The following RUBCNL variants were observed in gnomAD, a reference collection of about 807,000 sequenced individuals.
RUBCNL encodes protein associated with UVRAG as autophagy enhancer.
RUBCNL carries 62 observed loss-of-function variants against 69.5 expected under a neutral mutation model. The ratio of observed to expected loss-of-function variants is 0.89; its 90% confidence interval spans 0.73 to 1.10. The LOEUF (loss-of-function observed/expected upper bound fraction) is 1.10. Among genes scored for constraint, RUBCNL ranks in the 50% least tolerant of loss-of-function variants. RUBCNL has a pLI of 0.00. For synonymous variants in RUBCNL, 291 were observed against 303.6 expected (o/e 0.96, Z 0.43); for missense variants, 768 against 798.1 (o/e 0.96, Z 0.45).
chr13:46,351,553 T>A (rs1451593470), intron 10 of RUBCNL, among the ~76,000 whole-genome samples: 1 of 152,194 alleles, frequency 6.6e-6, no homozygotes, highest in African/African-American at 2.4e-5. Context: ...AGCACATTTA[T>A]AATGGGGGTG....
chr13:46,351,828 C>CTTTTTTTT (rs57329384), intron 10 of RUBCNL, among the ~76,000 whole-genome samples: 1 of 129,822 alleles, frequency 7.7e-6, no homozygotes, highest in Non-Finnish European at 1.6e-5. Flanking sequence ...GCTCTTTACA[C>CTTTTTTTT]TTTTTTTTTT....
Position 46,372,393 on chromosome 13 carries a change from C to A in RUBCNL, c.83G>T (p.Gly28Val). The A allele has an allele frequency of 6.2e-7, 1 of 1,613,806 alleles. No homozygotes were observed. Among genetic ancestry groups the A allele is most frequent in the African/African-American group, 1.3e-5 (1 of 75,042 alleles). The change falls in exon 3 of 15, where the codon GGT becomes GTT. Residue 28 changes from glycine to valine, a missense_variant. Coordinates refer to ENST00000429979, the MANE Select transcript of RUBCNL (RefSeq NM_025113.5). Reference sequence around the variant, plus strand: ...GTCAGTGTTCAGGAGTCTGGGCGAACCATCAATAATGCCAGAGTGATCGCT... The same window carrying A: ...GTCAGTGTTCAGGAGTCTGGGCGAAACATCAATAATGCCAGAGTGATCGCT... ...GISDHSGIIDGSPRLLNTDHP... is the reference protein window; with the variant it reads ...GISDHSGIIDVSPRLLNTDHP...
rs2048103042 is a variant in RUBCNL at position 46,336,019 on chromosome 13, G to A, written c.*7366C>T. On this transcript the variant is annotated 3_prime_UTR_variant, in exon 15 of 15. Transcript: ENST00000429979. ...CTTTATTTAGAGATGGACAGAGAAA[G>A]AAGAGGAAAACCTACAAAGGAGACC... Among the ~76,000 whole-genome samples the A allele has an allele frequency of 6.6e-6, 1 of 152,330 alleles. No individual in the cohort carries two copies. Among genetic ancestry groups the A allele is most frequent in the East Asian group, 1.9e-4 (1 of 5,186 alleles).
chr13:46,350,076 T>G, intron 11 of RUBCNL, 37 bp downstream of exon 11: 1 of 1,464,920 alleles, frequency 6.8e-7, no homozygotes, highest in Non-Finnish European at 9.3e-7. Context: ...CACAGGACAC[T>G]TCCAATGAGA....
In RUBCNL at chr13:46,343,271, T is replaced by G; in HGVS notation, c.*114A>C. 6.7e-7 allele frequency: 1 copy of G among 1,489,702 alleles called. No homozygotes were observed. Among genetic ancestry groups the G allele is most frequent in the Non-Finnish European group, 9.1e-7 (1 of 1,094,172 alleles). The allele number at this position is 1,489,702 out of a possible 1,614,324, so 92.3% of individuals were successfully genotyped here. A position where few individuals can be genotyped will look rare whatever the true frequency, so the allele number is the denominator to read the frequency against. On this transcript the variant is annotated 3_prime_UTR_variant, in exon 15 of 15. Transcript: ENST00000429979. ...TATGCAATAAAGAGAATATAGACCA[T>G]CTTTTTCCTTAATATACAATACCCA...
At chr13:46,369,982 T>G (rs2048842974) in intron 3 of RUBCNL, among the ~76,000 whole-genome samples, 1 of 152,240 alleles carries the variant, frequency 6.6e-6, no homozygotes, top group Non-Finnish European at 1.5e-5. Context: ...AGCCATACAG[T>G]ATCTGTTTCA....
chr13:46,358,007 G>A (rs1434066024), intron 9 of RUBCNL, among the ~76,000 whole-genome samples: 2 of 152,180 alleles, frequency 1.3e-5, no homozygotes, highest in Admixed American at 1.3e-4. Context: ...TGTAAAATTT[G>A]TTTACAGTTC....
In RUBCNL at chr13:46,340,204, A is replaced by C. The variant is rs2048131903; in HGVS notation, c.*3181T>G. Among the ~76,000 whole-genome samples, 1 of 151,990 alleles carries C rather than the reference A, an allele frequency of 6.6e-6. No individual in the cohort carries two copies. On this transcript the variant is annotated 3_prime_UTR_variant, in exon 15 of 15. Transcript: ENST00000429979. ...TCCTAACTTAACCACCTCTGCAAAG[A>C]CCCTACTTCCCAAAAGGCCACAGCA...
Position 46,349,327 on chromosome 13 carries a change from G to A in RUBCNL, c.1590C>T (p.Phe530=), listed in dbSNP as rs1044035016. Residue 530 remains phenylalanine (F), a synonymous_variant, in exon 12 of 15, where the codon TTC becomes TTT. Transcript: ENST00000429979. ...DRVKEIQEQL[F]HIKKLLKTCR... ...AGGTCTTCAACAGCTTCTTGATATG[G>A]AAGAGCTGCTCCTGAATTTCCTAAT... The A allele has an allele frequency of 5.0e-6, 8 of 1,613,730 alleles. No individual in the cohort carries two copies. The highest frequency in any genetic ancestry group is 6.8e-6 in the Non-Finnish European group (8 of 1,179,716).
intron 2 of RUBCNL, among the ~76,000 whole-genome samples, chr13:46,372,957 T>C (rs2048910943): frequency 6.6e-6 from 1 of 151,928 alleles, no homozygotes; most frequent in South Asian, 2.1e-4. Context: ...TAAAGACACA[T>C]TTCCACATTT....
At chr13:46,359,226 C>A (rs140711123) in intron 9 of RUBCNL, among the ~76,000 whole-genome samples, 1 of 151,660 alleles carries the variant, frequency 6.6e-6, no homozygotes, top group Non-Finnish European at 1.5e-5. Flanking sequence ...TCAGTTGCTA[C>A]GCAATATTGA....
intron 4 of RUBCNL, 173 bp downstream of exon 4, chr13:46,368,560 A>C: frequency 3.2e-6 from 3 of 927,578 alleles, no homozygotes; most frequent in Non-Finnish European, 3.9e-6. Flanking sequence ...GAGCACAGGC[A>C]CGGCCTCGGA....
chr13:46,359,633 T>C lies in RUBCNL; in HGVS notation c.1120-2A>G. 1 of 1,567,890 alleles carries C rather than the reference T, an allele frequency of 6.4e-7. No homozygotes were observed. The highest frequency in any genetic ancestry group is 8.7e-7 in the Non-Finnish European group (1 of 1,155,096). On this transcript the variant is annotated splice_acceptor_variant, in intron 8 of 14. Coordinates refer to ENST00000429979, the MANE Select transcript of RUBCNL (RefSeq NM_025113.5). LOFTEE classifies it high-confidence loss of function. ...TCGGACACACTCTTCATTTACGACC[T>C]GCATAAGACATAAAATGATTTAGGA...
At chr13:46,361,094 G>A (rs1035080131) in intron 8 of RUBCNL, among the ~76,000 whole-genome samples, 11 of 152,238 alleles carry the variant, frequency 7.2e-5, no homozygotes, top group African/African-American at 2.2e-4. Flanking sequence ...GCGTGGTGGC[G>A]TGCGCCTGTA....
chr13:46,376,193 T>G (rs998013717), intron 2 of RUBCNL, among the ~76,000 whole-genome samples: 1 of 152,160 alleles, frequency 6.6e-6, no homozygotes, highest in Non-Finnish European at 1.5e-5. Context: ...AGTCAAAAGT[T>G]GTGCGCAGAT....
At chr13:46,344,872 T>C in intron 13 of RUBCNL, 41 bp from the exon 14 acceptor site, 1 of 1,322,864 alleles carries the variant, frequency 7.6e-7, no homozygotes, top group Non-Finnish European at 1.1e-6. Context: ...CTTCTCTTGA[T>C]GGATAAGCTG....
chr13:46,351,847 GAGA>G (rs1730029880), intron 10 of RUBCNL, among the ~76,000 whole-genome samples: 1 of 40,810 alleles, frequency 2.5e-5, no homozygotes, highest in South Asian at 6.5e-4. Flanking sequence ...TTTTTTTTTT[GAGA>G]AGGAGTCTCG....
rs974691647 is a variant in RUBCNL, at chr13:46,341,037, C to G, written c.*2348G>C. ...TGAAGTTGTGGCCAATAATTCTCAC[C>G]CAGGTCAACACACCAGACATCTTTG... On this transcript the variant is annotated 3_prime_UTR_variant, in exon 15 of 15. Coordinates refer to ENST00000429979, the MANE Select transcript of RUBCNL (RefSeq NM_025113.5). Among the ~76,000 whole-genome samples, 9 of 152,162 alleles carry G rather than the reference C, an allele frequency of 5.9e-5. No homozygotes were observed. Among genetic ancestry groups the G allele is most frequent in the Non-Finnish European group, 1.2e-4 (8 of 68,034 alleles).
upstream of RUBCNL, chr13:46,387,471 G>A: frequency 1.0e-6 from 1 of 985,548 alleles, no homozygotes; most frequent in Non-Finnish European, 1.2e-6. Flanking sequence ...ACGCACCTAT[G>A]CGCGCCTCTG....
Sources: allele counts gnomAD v4.1 joint callset (sites outside exome capture counted in the v4.1 genomes callset), GRCh38; gene constraint gnomAD v4.1.1; transcripts MANE v1.5; gene names NCBI Gene and HGNC (gene_info 2026-07-23, HGNC 2026-07-21).